Variants in ZNF324B observed in about 807,000 individuals in gnomAD.
ZNF324B encodes the protein zinc finger protein 324B.
ZNF324B carries 7 observed loss-of-function variants against 10.6 expected under a neutral mutation model. That is an observed-to-expected ratio of 0.66 (90% CI 0.38 to 1.24). The LOEUF is 1.24. ZNF324B is among the 50% of genes most tolerant of loss of function. ZNF324B has a pLI of 0.02. For synonymous variants in ZNF324B, 316 were observed against 321.0 expected (o/e 0.98, Z 0.17); for missense variants, 640 against 764.7 (o/e 0.84, Z 1.92).
chr19:58,430,133 G>A, the ZNF324B span: 1 of 152,230 alleles, frequency 6.6e-6, no homozygotes, highest in Non-Finnish European at 1.5e-5. Context: ...GGCCCATGTG[G>A]CAGAGAACTG....
the ZNF324B span, among the ~76,000 whole-genome samples, chr19:58,427,118 TTTTTTA>T: frequency 6.7e-6 from 1 of 150,258 alleles, no homozygotes; most frequent in Admixed American, 6.6e-5. Flanking sequence ...TTTTTTTTCC[TTTTTTA>T]TTTTTATTTT....
upstream of ZNF324B, among the ~76,000 whole-genome samples, chr19:58,449,525 G>A (rs1599975522): frequency 6.6e-6 from 1 of 152,216 alleles, no homozygotes; most frequent in East Asian, 1.9e-4. Flanking sequence ...AAAGCAGCTG[G>A]GAGGGAGGCT....
chr19:58,452,767 G>A, intron 1 of ZNF324B: 2 of 544,134 alleles, frequency 3.7e-6, no homozygotes, highest in Non-Finnish European at 4.7e-6. Flanking sequence ...CAGGCGTGCG[G>A]AGTTACAGCT....
intron 3 of ZNF324B, chr19:58,454,954 C>T (rs2052898795): frequency 1.5e-6 from 1 of 684,686 alleles, no homozygotes; most frequent in Admixed American, 2.1e-5. Context: ...TCCTGGGTGT[C>T]TGGGGGCTGC....
the ZNF324B span, chr19:58,445,417 G>A: frequency 7.7e-6 from 4 of 518,818 alleles, no homozygotes; most frequent in Admixed American, 1.9e-5. Flanking sequence ...GGAGAGCATC[G>A]GCCACAGCTC....
At position 58,455,707 on chromosome 19, in the gene ZNF324B, A is replaced by G. The variant is rs1426336356; in HGVS notation, c.763A>G (p.Lys255Glu). 2.5e-6 allele frequency: 4 copies of G among 1,613,386 alleles called. No homozygotes were observed. In the East Asian group the frequency reaches 6.7e-5, roughly 27 times the overall value. Residue 255 changes from lysine (K) to glutamate (E), a missense_variant, in exon 4 of 4, where the codon AAG becomes GAG. Physicochemically the swap from Lys to Glu is moderately conservative, Grantham distance 56 (BLOSUM62 1). Around this residue, in one of 3 missense-constraint regions of ZNF324B, gnomAD observed 345 missense variants for 387.9 expected, o/e 0.89. Transcript: ENST00000336614. This position sits in a 1 kb window ranked among gnomAD's most constrained non-coding sequence, Gnocchi z 7.0. ...ELGEALHAGEKSFECRACSKV... is the reference protein window; with the variant it reads ...ELGEALHAGEESFECRACSKV... ...GGGCGAGGCTCTTCACGCTGGGGAG[A>G]AGTCCTTCGAATGCAGGGCGTGCAG...
At chr19:58,435,040 G>T in the ZNF324B span, 7 of 1,614,146 alleles carry the variant, frequency 4.3e-6, no homozygotes, top group South Asian at 7.7e-5. Context: ...CTCAGACTGT[G>T]TTCCCTGATG....
intron 3 of ZNF324B, chr19:58,454,855 G>T: frequency 1.9e-6 from 1 of 538,276 alleles, no homozygotes; most frequent in South Asian, 2.0e-5. Context: ...CAGGGGAGAA[G>T]GGAGTGAGCT....
chr19:58,419,748 GT>G, the ZNF324B span, among the ~76,000 whole-genome samples: 5 of 152,192 alleles, frequency 3.3e-5, no homozygotes, highest in African/African-American at 1.2e-4. Context: ...TGCTGTCATG[GT>G]GTCAGGGCTT....
the ZNF324B span, chr19:58,439,871 C>T: frequency 6.6e-6 from 10 of 1,524,250 alleles, no homozygotes; most frequent in Admixed American, 1.5e-4. Context: ...CCTCACACTT[C>T]CGCTGGGTGA....
At chr19:58,433,199 G>C in the ZNF324B span, 4 of 1,035,262 alleles carry the variant, frequency 3.9e-6, no homozygotes, top group Admixed American at 1.0e-4. Context: ...AAACAGAGTA[G>C]CTTCTGAAGG....
chr19:58,439,251 C>G, the ZNF324B span, among the ~76,000 whole-genome samples: 1 of 152,200 alleles, frequency 6.6e-6, no homozygotes, highest in South Asian at 2.1e-4. Context: ...CCTTCCTGCT[C>G]CACCATCACC....
chr19:58,428,491 T>G, the ZNF324B span: 2 of 151,984 alleles, frequency 1.3e-5, no homozygotes, highest in African/African-American at 2.4e-5. Flanking sequence ...CCACCAGAAG[T>G]GGAATTATGA....
chr19:58,456,399 G>A lies in ZNF324B; in HGVS notation c.1455G>A (p.Gln485=), dbSNP rs555481619. Residue 485 remains glutamine, a synonymous_variant, in exon 4 of 4, where the codon CAG becomes CAA. Coordinates refer to ENST00000336614, the MANE Select transcript of ZNF324B (RefSeq NM_207395.3). This position sits in a 1 kb window ranked among gnomAD's most constrained non-coding sequence, Gnocchi z 4.7. ...HTGEKPFVCT[Q]CGRAFRERPA... is the part of the protein sequence containing the mutation. ...GCGAGAAGCCCTTCGTGTGCACGCA[G>A]TGTGGCCGCGCCTTCCGTGAGCGCC... is the stretch of plus-strand genomic sequence containing the variant. 6.2e-7 allele frequency: 1 copy of A among 1,613,212 alleles called. No individual in the cohort carries two copies. The highest frequency in any genetic ancestry group is 1.1e-5 in the South Asian group (1 of 91,086).
In ZNF324B at chr19:58,455,526, G is replaced by T. The variant is rs975445579; in HGVS notation, c.582G>T (p.Arg194=). The change falls in exon 4 of 4, where the codon CGG becomes CGT. Residue 194 remains arginine (R), a synonymous_variant. Coordinates refer to ENST00000336614, the MANE Select transcript of ZNF324B (RefSeq NM_207395.3). This position sits in a 1 kb window ranked among gnomAD's most constrained non-coding sequence, Gnocchi z 7.0. ...GGAGGCAGCCCAGGACGCCTGAGCG[G>T]CAGAAGCCATGTGCACAGGAGGTCC... is the stretch of plus-strand genomic sequence containing the variant. ...VPGRQPRTPE[R]QKPCAQEVPG... 1 of 1,614,026 alleles carries T rather than the reference G, an allele frequency of 6.2e-7. No individual in the cohort carries two copies. Among genetic ancestry groups the T allele is most frequent in the East Asian group, 2.2e-5 (1 of 44,874 alleles).
the ZNF324B span, among the ~76,000 whole-genome samples, chr19:58,423,439 C>T: frequency 1.3e-5 from 2 of 152,216 alleles, no homozygotes; most frequent in Non-Finnish European, 2.9e-5. Flanking sequence ...GGATTGCAGG[C>T]ATGAGCCACT....
upstream of ZNF324B, among the ~76,000 whole-genome samples, chr19:58,448,487 G>A (rs1447868677): frequency 1.3e-5 from 2 of 152,220 alleles, no homozygotes; most frequent in Admixed American, 6.5e-5. Flanking sequence ...CACTTTGGGA[G>A]GCTGAGGCAG....
the ZNF324B span, among the ~76,000 whole-genome samples, chr19:58,431,860 C>T: frequency 5.9e-5 from 9 of 151,996 alleles, no homozygotes; most frequent in African/African-American, 1.2e-4. Context: ...GGTGTGGTGG[C>T]GGGCAACTGT....
intron 1 of ZNF324B, 52 bp from the exon 2 acceptor site, chr19:58,453,644 G>A: frequency 6.2e-7 from 1 of 1,613,686 alleles, no homozygotes; most frequent in Non-Finnish European, 8.5e-7. Context: ...CTTGGTCCTG[G>A]CTCACAGCCA....
Sources: allele counts gnomAD v4.1 joint callset (sites outside exome capture counted in the v4.1 genomes callset), GRCh38; gene constraint gnomAD v4.1.1; regional missense constraint gnomAD v4.1.1; non-coding constraint Gnocchi (gnomAD v3.1); transcripts MANE v1.5; gene names NCBI Gene and HGNC (gene_info 2026-07-23, HGNC 2026-07-21).